The following EFHD1 variants were observed in gnomAD, a reference collection of about 807,000 sequenced individuals.
The protein encoded by EFHD1 is EF-hand domain family member D1.
In EFHD1, 10 loss-of-function variants were observed where a neutral mutation model predicts 17.2. That is an observed-to-expected ratio of 0.58 (90% CI 0.36 to 0.99). The LOEUF is 0.99. Among genes scored for constraint, EFHD1 ranks in the 50% least tolerant of loss-of-function variants. The pLI is 0.01. For missense variants in EFHD1, 310 were observed against 327.5 expected, an observed-to-expected ratio of 0.95 and a Z score of 0.41; for synonymous variants, 153 against 142.0, an observed-to-expected ratio of 1.08 and a Z score of -0.55.
At chr2:232,643,667 G>T (rs553938092) in intron 1 of EFHD1, among the ~76,000 whole-genome samples, 45 of 151,184 alleles carry the variant, frequency 3.0e-4, no homozygotes, top group Admixed American at 7.9e-4. Flanking sequence ...GTGTTTTTTT[G>T]TTGTTGTTTG....
At chr2:232,638,182 A>C (rs577851110) in intron 1 of EFHD1, 4 of 355,896 alleles carry the variant, frequency 1.1e-5, no homozygotes, top group South Asian at 9.3e-5. Context: ...GAGCTGGTGG[A>C]GCAGTCAAGG....
At chr2:232,678,519 T>C (rs1382984669) in intron 3 of EFHD1, among the ~76,000 whole-genome samples, 1 of 152,226 alleles carries the variant, frequency 6.6e-6, no homozygotes, top group Non-Finnish European at 1.5e-5. Context: ...GCGCGGTGGC[T>C]CATGCCTGTA....
chr2:232,663,745 T>G (rs920733729), intron 2 of EFHD1, among the ~76,000 whole-genome samples: 1 of 152,150 alleles, frequency 6.6e-6, no homozygotes, highest in African/African-American at 2.4e-5. Flanking sequence ...CCTCCAGCAT[T>G]TATCATTTCT....
intron 2 of EFHD1, among the ~76,000 whole-genome samples, chr2:232,667,204 T>C (rs1574731036): frequency 6.6e-6 from 1 of 152,148 alleles, no homozygotes. Flanking sequence ...CAGTGGCCCC[T>C]GGAGCCTGGC....
Position 232,633,713 on chromosome 2 carries a change from T to A in EFHD1, c.9T>A (p.Ser3Arg). Reference sequence around the variant, plus strand: ...TCCTGCGATCCGCCGCCATGGCCAGTGAGGAGCTGGCGTGCAAGCTGGAGC... The same window carrying A: ...TCCTGCGATCCGCCGCCATGGCCAGAGAGGAGCTGGCGTGCAAGCTGGAGC... MA[S>R]EELACKLERR... Residue 3 changes from serine to arginine, a missense_variant, in exon 1 of 4, where the codon AGT becomes AGA. By Grantham distance (110) the Ser-to-Arg change is moderately radical. Transcript: ENST00000264059. 1 of 1,459,552 alleles carries A rather than the reference T, an allele frequency of 6.9e-7. No homozygotes were observed. Among genetic ancestry groups the A allele is most frequent in the Non-Finnish European group, 9.0e-7 (1 of 1,114,218 alleles). 90.4% of individuals were successfully genotyped at this position (1,459,552 alleles called of 1,614,324 possible).
At chr2:232,606,275 T>G (rs909205582) in intron 1 of EFHD1, 1 of 1,405,302 alleles carries the variant, frequency 7.1e-7, no homozygotes, top group African/African-American at 1.4e-5. Context: ...CGGTAATTCC[T>G]GGCTTTCGCC....
At chr2:232,670,302 G>A (rs2106215896) in intron 2 of EFHD1, among the ~76,000 whole-genome samples, 1 of 152,230 alleles carries the variant, frequency 6.6e-6, no homozygotes, top group African/African-American at 2.4e-5. Context: ...TTAACCAGGT[G>A]TGATGTCACG....
At position 232,642,367 on chromosome 2, in the gene EFHD1, C is replaced by G. The variant is rs531484309; in HGVS notation, c.302+8361C>G. ...CCAGCCTGGGCGACAGAGTGAGACT[C>G]TGTCTCAAAAAAAAAAAAAAAAAAA... On this transcript the variant is annotated intron_variant, in intron 1 of 3. Coordinates refer to ENST00000264059, the MANE Select transcript of EFHD1 (RefSeq NM_025202.4). Among the ~76,000 whole-genome samples the G allele has an allele frequency of 1.8e-4, 18 of 99,364 alleles. No individual in the cohort carries two copies. The South Asian group carries it at 7.7e-3, about 42-fold the overall frequency. The allele number at this position is 99,364 out of a possible 152,430, so 65.2% of individuals were successfully genotyped here. A position where few individuals can be genotyped will look rare whatever the true frequency, so the allele number is the denominator to read the frequency against.
intron 1 of EFHD1, among the ~76,000 whole-genome samples, chr2:232,656,542 C>T (rs1334833645): frequency 6.6e-6 from 1 of 151,442 alleles, no homozygotes; most frequent in Non-Finnish European, 1.5e-5. Context: ...TTGAAATGAT[C>T]CCCCTGCCTC....
intron 3 of EFHD1, 41 bp downstream of exon 3, chr2:232,672,484 G>A: frequency 6.5e-7 from 1 of 1,547,712 alleles, no homozygotes. Context: ...ACCACTCCCA[G>A]CCTTCACGCT....
At chr2:232,655,800 G>GTCTTTTT (rs1694750516) in intron 1 of EFHD1, among the ~76,000 whole-genome samples, 1 of 120,722 alleles carries the variant, frequency 8.3e-6, no homozygotes, top group African/African-American at 3.0e-5. Context: ...CTTGTGTGGG[G>GTCTTTTT]TCTTTTTTTT....
intron 1 of EFHD1, among the ~76,000 whole-genome samples, chr2:232,662,280 G>GGC (rs1694885894): frequency 6.6e-6 from 1 of 152,076 alleles, no homozygotes; most frequent in African/African-American, 2.4e-5. Flanking sequence ...ATGAGCCAGA[G>GGC]TCATGATTCC....
At chr2:232,680,806 GC>G (rs1182268203) in intron 3 of EFHD1, among the ~76,000 whole-genome samples, 3 of 151,944 alleles carry the variant, frequency 2.0e-5, no homozygotes, top group African/African-American at 7.2e-5. Flanking sequence ...ACCGCGCCCA[GC>G]CCAGGGAGAA....
At chr2:232,638,675 C>A (rs1694366376) in intron 1 of EFHD1, among the ~76,000 whole-genome samples, 1 of 152,178 alleles carries the variant, frequency 6.6e-6, no homozygotes, top group African/African-American at 2.4e-5. Flanking sequence ...TGCCTGCATA[C>A]TGGCATCCTG....
intron 1 of EFHD1, among the ~76,000 whole-genome samples, chr2:232,646,439 T>C (rs1022496057): frequency 9.7e-6 from 1 of 102,906 alleles, no homozygotes; most frequent in Non-Finnish European, 2.3e-5. Flanking sequence ...TTCTCTTCTT[T>C]TTTTTTTTTT....
intron 3 of EFHD1, among the ~76,000 whole-genome samples, chr2:232,681,117 C>G (rs1342331290): frequency 2.0e-5 from 3 of 151,974 alleles, no homozygotes; most frequent in African/African-American, 4.8e-5. Flanking sequence ...GATCACACCA[C>G]TGCACTCCAG....
At chr2:232,651,162 C>T (rs1694646874) in intron 1 of EFHD1, among the ~76,000 whole-genome samples, 1 of 152,154 alleles carries the variant, frequency 6.6e-6, no homozygotes, top group Admixed American at 6.5e-5. Flanking sequence ...CCAGGGCCTC[C>T]CTCCTGGATT....
chr2:232,644,794 A>ATT lies in EFHD1; in HGVS notation c.302+10807_302+10808dup, dbSNP rs746133158. 5.7e-4 allele frequency among the ~76,000 whole-genome samples: 71 copies of ATT among 123,832 alleles called. 1 individual carries two copies. The highest frequency in any genetic ancestry group is 4.8e-3 in the Middle Eastern group (1 of 208). The allele number at this position is 123,832 out of a possible 152,430, so 81.2% of individuals were successfully genotyped here. ...GGCGAGAGCCACTGCACCTGGCCTA[A>ATT]TTTTTTTTTTTTTTTTTTTTAATTT... On this transcript the variant is annotated intron_variant, in intron 1 of 3. Transcript: ENST00000264059.
chr2:232,627,185 T>C (rs936879561), intron 1 of EFHD1, among the ~76,000 whole-genome samples: 6 of 149,602 alleles, frequency 4.0e-5, no homozygotes, highest in African/African-American at 1.5e-4. Flanking sequence ...GAGCTATGAT[T>C]GTGCCATTGT....
Sources: gnomAD v4.1 joint callset for allele counts (sites outside exome capture counted in the v4.1 genomes callset) on GRCh38, gnomAD v4.1.1 for gene constraint, MANE v1.5 for transcripts, NCBI Gene and HGNC (gene_info 2026-07-23, HGNC 2026-07-21) for gene names.